The following UBXN2B variants were observed in gnomAD, a reference collection of about 807,000 sequenced individuals.
UBXN2B encodes the protein UBX domain protein 2B, also known as UBX domain-containing protein 2B.
In UBXN2B, 19 loss-of-function variants were observed where a neutral mutation model predicts 37.5. That is an observed-to-expected ratio of 0.51 (90% CI 0.35 to 0.74). The LOEUF (loss-of-function observed/expected upper bound fraction) is 0.74. Among genes scored for constraint, UBXN2B ranks in the 30% least tolerant of loss-of-function variants. UBXN2B has a pLI of 0.01. For synonymous variants in UBXN2B, 145 were observed against 143.8 expected, an observed-to-expected ratio of 1.01 and a Z score of -0.06; for missense variants, 370 against 393.2, an observed-to-expected ratio of 0.94 and a Z score of 0.50.
intron 5 of UBXN2B, among the ~76,000 whole-genome samples, chr8:58,435,553 C>T (rs1808389711): frequency 6.6e-6 from 1 of 151,998 alleles, no homozygotes; most frequent in Non-Finnish European, 1.5e-5. Context: ...GAGCTGCGAG[C>T]AACTAGGTGG....
At position 58,433,157 on chromosome 8, in the gene UBXN2B, T is replaced by C; in HGVS notation, c.340-3T>C. On this transcript the variant is annotated splice_region_variant and splice_polypyrimidine_tract_variant and intron_variant, in intron 3 of 7. Coordinates refer to ENST00000399598, the MANE Select transcript of UBXN2B (RefSeq NM_001077619.2). ...ATTTTAACTCACTTGCTATGTATTT[T>C]AGTCATTTACAGGTGGAGGATACAG... The C allele has an allele frequency of 6.2e-6, 10 of 1,605,866 alleles. No individual in the cohort carries two copies. Among genetic ancestry groups the C allele is most frequent in the Non-Finnish European group, 8.5e-6 (10 of 1,173,678 alleles).
chr8:58,413,427 G>T (rs1300147001), intron 1 of UBXN2B: 3 of 152,164 alleles, frequency 2.0e-5, no homozygotes, highest in Non-Finnish European at 4.4e-5. Flanking sequence ...TGGTACCTTG[G>T]ATATTGATTA....
At chr8:58,434,548 C>A (rs770601659) in intron 5 of UBXN2B, 44 bp downstream of exon 5, 4 of 1,349,286 alleles carry the variant, frequency 3.0e-6, no homozygotes, top group Non-Finnish European at 2.0e-6. Flanking sequence ...TAGAGTGGGA[C>A]TTATTTTCTT....
chr8:58,445,536 T>G (rs1013042874), intron 6 of UBXN2B, among the ~76,000 whole-genome samples: 3 of 152,190 alleles, frequency 2.0e-5, no homozygotes, highest in Non-Finnish European at 2.9e-5. Context: ...GAACTGGGAT[T>G]CAAAATGATT....
chr8:58,420,489 A>G (rs1807898215), intron 2 of UBXN2B, among the ~76,000 whole-genome samples: 1 of 152,226 alleles, frequency 6.6e-6, no homozygotes, highest in African/African-American at 2.4e-5. Flanking sequence ...TGACATCCTA[A>G]AACATATTCC....
intron 5 of UBXN2B, among the ~76,000 whole-genome samples, chr8:58,438,424 G>T (rs1808468520): frequency 6.6e-6 from 1 of 152,214 alleles, no homozygotes; most frequent in Non-Finnish European, 1.5e-5. Flanking sequence ...AGAAGCCACA[G>T]GGCCAGAGCT....
At chr8:58,424,705 T>A in intron 2 of UBXN2B, 2 of 1,306,490 alleles carry the variant, frequency 1.5e-6, no homozygotes, top group East Asian at 2.3e-5. Flanking sequence ...GGGGCTCTGA[T>A]CTCCACTCGT....
chr8:58,433,057 C>T (rs1808323154), intron 3 of UBXN2B, 103 bp from the exon 4 acceptor site: 6 of 904,990 alleles, frequency 6.6e-6, no homozygotes, highest in South Asian at 1.9e-5. Flanking sequence ...GTATGAGCCA[C>T]TTTGGCTAAT....
rs1808746236 is a variant in UBXN2B at position 58,448,969 on chromosome 8, G to C, written c.*1418G>C. 6.6e-6 allele frequency: 1 copy of C among 152,158 alleles called. No homozygotes were observed. Among genetic ancestry groups the C allele is most frequent in the East Asian group, 1.9e-4 (1 of 5,192 alleles). 9.4% of individuals were successfully genotyped at this position (152,158 alleles called of 1,614,324 possible). A position where few individuals can be genotyped will look rare whatever the true frequency, so the allele number is the denominator to read the frequency against. On this transcript the variant is annotated 3_prime_UTR_variant, in exon 8 of 8. Coordinates refer to ENST00000399598, the MANE Select transcript of UBXN2B (RefSeq NM_001077619.2). The stretch of plus-strand genomic sequence containing the variant: ...CATTCTGTTAGGAGGCTCTACAGGA[G>C]AATCATTTCCTTGTCATTCCACCTT...
At chr8:58,424,866 T>C in intron 2 of UBXN2B, 1 of 1,241,582 alleles carries the variant, frequency 8.1e-7, no homozygotes, top group South Asian at 1.2e-5. Context: ...GGACCATCCC[T>C]GACCTCTGAG....
chr8:58,432,375 C>CGTTTTTTTTTTTTTTTTTTTTTTTTTTT (rs1554552059), intron 3 of UBXN2B, among the ~76,000 whole-genome samples: 1 of 81,520 alleles, frequency 1.2e-5, no homozygotes. Context: ...TTCTAAATTT[C>CGTTTTTTTTTTTTTTTTTTTTTTTTTTT]TTTTTTTTTT....
intron 7 of UBXN2B, 74 bp from the exon 8 acceptor site, chr8:58,447,315 T>C: frequency 7.3e-7 from 1 of 1,376,508 alleles, no homozygotes; most frequent in Non-Finnish European, 9.7e-7. Flanking sequence ...GTGATTTTTA[T>C]TATGATTCAG....
intron 5 of UBXN2B, among the ~76,000 whole-genome samples, chr8:58,438,369 A>G (rs1466043364): frequency 2.0e-5 from 3 of 152,186 alleles, no homozygotes; most frequent in Non-Finnish European, 1.5e-5. Flanking sequence ...GCCACCAGCA[A>G]CCTGAGCCTG....
At chr8:58,435,305 A>G (rs1037714986) in intron 5 of UBXN2B, among the ~76,000 whole-genome samples, 3 of 152,168 alleles carry the variant, frequency 2.0e-5, no homozygotes, top group African/African-American at 7.2e-5. Flanking sequence ...AGTGGCTGAC[A>G]TGGAGTGGAG....
At chr8:58,436,179 T>C (rs1808407749) in intron 5 of UBXN2B, among the ~76,000 whole-genome samples, 1 of 152,212 alleles carries the variant, frequency 6.6e-6, no homozygotes, top group African/African-American at 2.4e-5. Flanking sequence ...TATGAGGTTG[T>C]CAGCTTAATT....
intron 5 of UBXN2B, among the ~76,000 whole-genome samples, chr8:58,436,148 T>G (rs1808406915): frequency 6.6e-6 from 1 of 152,158 alleles, no homozygotes; most frequent in Non-Finnish European, 1.5e-5. Context: ...GTGACAGGTA[T>G]AAAAACAGAA....
At chr8:58,433,273 T>TA in intron 4 of UBXN2B, 30 bp downstream of exon 4, 1 of 1,534,668 alleles carries the variant, frequency 6.5e-7, no homozygotes, top group Non-Finnish European at 8.9e-7. Flanking sequence ...TGAAAAAGTA[T>TA]AAATATTTGC....
chr8:58,425,588 G>T lies in UBXN2B; in HGVS notation c.189-4931G>T. Reference sequence around the variant, plus strand: ...CTTTTACCCTCTTTTCGGCCGTAGAGAAGTATGCACTCCTGTTGTTGTAGT... The same window carrying T: ...CTTTTACCCTCTTTTCGGCCGTAGATAAGTATGCACTCCTGTTGTTGTAGT... On this transcript the variant is annotated intron_variant, in intron 2 of 7. Coordinates refer to ENST00000399598, the MANE Select transcript of UBXN2B (RefSeq NM_001077619.2). 4 of 1,057,590 alleles carry T rather than the reference G, an allele frequency of 3.8e-6. No homozygotes were observed. The South Asian group carries it at 3.8e-5, about 10-fold the overall frequency. The allele number at this position is 1,057,590 out of a possible 1,614,324, so 65.5% of individuals were successfully genotyped here.
intron 5 of UBXN2B, among the ~76,000 whole-genome samples, chr8:58,439,393 T>C (rs868446921): frequency 1.3e-5 from 2 of 152,202 alleles, no homozygotes; most frequent in Middle Eastern, 3.4e-3. Flanking sequence ...TACCAGAAGC[T>C]CTCCAAGATA....
Sources: gnomAD v4.1 joint callset for allele counts (sites outside exome capture counted in the v4.1 genomes callset) on GRCh38, gnomAD v4.1.1 for gene constraint, MANE v1.5 for transcripts, NCBI Gene and HGNC (gene_info 2026-07-23, HGNC 2026-07-21) for gene names.